Variants in SYNE3 observed in about 807,000 individuals in gnomAD.
The protein encoded by SYNE3 is nesprin-3.
Under a neutral mutation model 111.2 loss-of-function variants are expected in SYNE3, and 100 were observed. That is an observed-to-expected ratio of 0.90 (90% CI 0.77 to 1.06). SYNE3 has a LOEUF of 1.06. Among genes scored for constraint, SYNE3 ranks in the 50% least tolerant of loss-of-function variants. The pLI, the probability that SYNE3 is intolerant of heterozygous loss-of-function variation, is 0.00. For missense variants in SYNE3, 1,160 were observed against 1,240.3 expected, an observed-to-expected ratio of 0.94 and a Z score of 0.97; for synonymous variants, 547 against 533.9, an observed-to-expected ratio of 1.02 and a Z score of -0.34.
rs1889263323 is a variant in SYNE3, at chr14:95,481,672, T to G, written c.-14-5837A>C. Reference sequence around the variant, plus strand: ...AATGCAGCCCGCAGGGGGTCAGCTCTCCTGTGACCCAGGGCAGAGCAGAGG... The same window carrying G: ...AATGCAGCCCGCAGGGGGTCAGCTCGCCTGTGACCCAGGGCAGAGCAGAGG... On this transcript the variant is annotated intron_variant, in intron 1 of 17. Coordinates refer to ENST00000682763, the MANE Select transcript of SYNE3 (RefSeq NM_152592.6). Among the ~76,000 whole-genome samples, 3 of 152,172 alleles carry G rather than the reference T, an allele frequency of 2.0e-5. No individual in the cohort carries two copies. In the South Asian group the frequency reaches 6.2e-4, roughly 31 times the overall value.
At position 95,443,158 on chromosome 14, in the gene SYNE3, C is replaced by T. The variant is rs763090991; in HGVS notation, c.1908G>A (p.Leu636=). Residue 636 remains leucine, a synonymous_variant, in exon 11 of 18, where the codon CTG becomes CTA. Transcript: ENST00000682763. The part of the protein sequence containing the change: ...SSDFQALQRS[L]EDLVDRCRQS... ...GGCCCTTCTGCCAGCCCCTTACCTC[C>T]AGAGACCTCTGCAGGGCCTGGAAGT... 10 of 1,613,732 alleles carry T rather than the reference C, an allele frequency of 6.2e-6. No individual in the cohort carries two copies. In the Admixed American group the frequency reaches 1.7e-4, roughly 27 times the overall value.
At chr14:95,427,943 G>T (rs910786) in intron 17 of SYNE3, among the ~76,000 whole-genome samples, 60,113 of 152,062 alleles carry the variant, frequency 0.4, 13,643 homozygotes, top group Admixed American at 0.52. Flanking sequence ...TACTCACTGA[G>T]ATTTGGTATT....
At position 95,414,686 on chromosome 14, in the gene SYNE3, G is replaced by GACACACACACACACAC. The variant is rs71132345; in HGVS notation, c.*3124_*3139dup. The stretch of plus-strand genomic sequence containing the variant: ...CTCCTTCCCTCCTCTCTCTCTCTCT[G>GACACACACACACACAC]ACACACACACACACACACACACACA... On this transcript the variant is annotated 3_prime_UTR_variant, in exon 18 of 18. Transcript: ENST00000682763. 7.8e-6 allele frequency: 1 copy of GACACACACACACACAC among 128,056 alleles called. No individual in the cohort carries two copies. The highest frequency in any genetic ancestry group is 1.7e-5 in the Non-Finnish European group (1 of 60,106). The allele number at this position is 128,056 out of a possible 1,614,324, so 7.9% of individuals were successfully genotyped here.
chr14:95,511,941 C>T (rs751560813), intron 1 of SYNE3, among the ~76,000 whole-genome samples: 6 of 152,004 alleles, frequency 3.9e-5, no homozygotes, highest in African/African-American at 1.5e-4. Context: ...CAGGACACTT[C>T]GTTTTGTTAT....
chr14:95,468,653 C>G (rs1301729505), intron 2 of SYNE3, among the ~76,000 whole-genome samples: 1 of 152,228 alleles, frequency 6.6e-6, no homozygotes, highest in Non-Finnish European at 1.5e-5. Context: ...GCTCCTTCCT[C>G]CCTGCTCTTC....
chr14:95,441,720 C>T (rs545818918), intron 11 of SYNE3, among the ~76,000 whole-genome samples: 4 of 152,164 alleles, frequency 2.6e-5, no homozygotes, highest in Admixed American at 2.0e-4. Context: ...ACTGCCTCGA[C>T]CTTGAAACTA....
At chr14:95,506,791 G>A (rs1010195266) in intron 1 of SYNE3, among the ~76,000 whole-genome samples, 1 of 152,156 alleles carries the variant, frequency 6.6e-6, no homozygotes, top group Non-Finnish European at 1.5e-5. Context: ...CTGCAGGGAA[G>A]GTGTGGCCAG....
At chr14:95,437,100 C>G in intron 14 of SYNE3, 119 bp from the exon 15 acceptor site, 2 of 1,181,616 alleles carry the variant, frequency 1.7e-6, no homozygotes, top group Non-Finnish European at 2.4e-6. Flanking sequence ...AAAATGGCGA[C>G]GGGAGAGGCC....
rs984893362 is a variant in SYNE3 at position 95,507,289 on chromosome 14, G to T, written c.-15+9307C>A. Among the ~76,000 whole-genome samples, 4 of 152,184 alleles carry T rather than the reference G, an allele frequency of 2.6e-5. No individual in the cohort carries two copies. The East Asian group carries it at 7.7e-4, about 29-fold the overall frequency. On this transcript the variant is annotated intron_variant, in intron 1 of 17. Coordinates refer to ENST00000682763, the MANE Select transcript of SYNE3 (RefSeq NM_152592.6). ...TGTCTCTGGCATCTTCCTAGTTCGTGTCCACCTCAGCCAATGTCAGTACGT... is the reference window on the plus strand; with the variant it reads ...TGTCTCTGGCATCTTCCTAGTTCGTTTCCACCTCAGCCAATGTCAGTACGT...
intron 17 of SYNE3, among the ~76,000 whole-genome samples, chr14:95,425,943 C>T (rs1050533690): frequency 6.6e-6 from 1 of 152,130 alleles, no homozygotes; most frequent in Admixed American, 6.5e-5. Context: ...AAGAGGAGGC[C>T]GTGGTCATCG....
chr14:95,480,074 T>TA (rs1020370205), intron 1 of SYNE3, among the ~76,000 whole-genome samples: 1 of 149,656 alleles, frequency 6.7e-6, no homozygotes, highest in East Asian at 1.9e-4. Flanking sequence ...AATAAATAAA[T>TA]AAAAAAGAAC....
intron 17 of SYNE3, among the ~76,000 whole-genome samples, chr14:95,426,969 T>C (rs1273692599): frequency 6.8e-6 from 1 of 148,110 alleles, no homozygotes; most frequent in Non-Finnish European, 1.5e-5. Context: ...AAAAGAATAG[T>C]TATACTAGAT....
chr14:95,464,320 A>G (rs28602601), intron 4 of SYNE3, among the ~76,000 whole-genome samples: 110,014 of 152,068 alleles, frequency 0.72, 40,375 homozygotes, highest in African/African-American at 0.85. Flanking sequence ...CTGAAGTCTT[A>G]GTTACTAGAA....
intron 8 of SYNE3, among the ~76,000 whole-genome samples, chr14:95,446,592 G>A (rs1886735251): frequency 6.6e-6 from 1 of 152,088 alleles, no homozygotes; most frequent in Admixed American, 6.5e-5. Context: ...CTGCAACAGT[G>A]TTTTGGACAT....
intron 17 of SYNE3, among the ~76,000 whole-genome samples, chr14:95,421,144 CT>C (rs1328142428): frequency 3.9e-5 from 6 of 152,160 alleles, no homozygotes; most frequent in African/African-American, 1.2e-4. Flanking sequence ...CATTAAACCT[CT>C]TTTTCTTTAT....
At chr14:95,449,710 G>A (rs1886941513) in intron 8 of SYNE3, 1 of 981,954 alleles carries the variant, frequency 1.0e-6, no homozygotes, top group African/African-American at 1.7e-5. Flanking sequence ...CGTCCGTACG[G>A]AGCCCCGGGT....
chr14:95,482,441 T>A (rs527243235), intron 1 of SYNE3, among the ~76,000 whole-genome samples: 17 of 152,136 alleles, frequency 1.1e-4, no homozygotes, highest in South Asian at 2.1e-4. Flanking sequence ...CAAAATAAAT[T>A]AATTAATTAA....
chr14:95,457,294 C>T lies in SYNE3; in HGVS notation c.672G>A (p.Glu224=), dbSNP rs1374266544. 5 of 1,614,106 alleles carry T rather than the reference C, an allele frequency of 3.1e-6. No individual in the cohort carries two copies. The highest frequency in any genetic ancestry group is 1.7e-5 in the Admixed American group (1 of 60,020). The change falls in exon 5 of 18, where the codon GAG becomes GAA. Residue 224 remains glutamate, a synonymous_variant. Coordinates refer to ENST00000682763, the MANE Select transcript of SYNE3 (RefSeq NM_152592.6). The part of the protein sequence containing the change: ...LLEQVAREHE[E]YQAGVDEFQL... ...GGAACTCGTCCACACCTGCCTGGTACTCCTCATGCTCCCGGGCCACCTGCT... is the reference window on the plus strand; with the variant it reads ...GGAACTCGTCCACACCTGCCTGGTATTCCTCATGCTCCCGGGCCACCTGCT...
In SYNE3 at chr14:95,471,364, G is replaced by A. The variant is rs183549020; in HGVS notation, c.145-3397C>T. Among the ~76,000 whole-genome samples, 7 of 152,276 alleles carry A rather than the reference G, an allele frequency of 4.6e-5. No homozygotes were observed. The East Asian group carries it at 7.7e-4, about 17-fold the overall frequency. Reference sequence around the variant, plus strand: ...GGTCCCCCCAGACCCCTGGACCTTCGTCCTTCTTATCCTCATGAAAGAGGC... The same window carrying A: ...GGTCCCCCCAGACCCCTGGACCTTCATCCTTCTTATCCTCATGAAAGAGGC... On this transcript the variant is annotated intron_variant, in intron 2 of 17. Coordinates refer to ENST00000682763, the MANE Select transcript of SYNE3 (RefSeq NM_152592.6).
Sources: gnomAD v4.1 joint callset for allele counts (sites outside exome capture counted in the v4.1 genomes callset) on GRCh38, gnomAD v4.1.1 for gene constraint, MANE v1.5 for transcripts, NCBI Gene and HGNC (gene_info 2026-07-23, HGNC 2026-07-21) for gene names.